The following DAXX variants were observed in gnomAD, a reference collection of about 807,000 sequenced individuals.
The protein encoded by DAXX is death domain associated protein.
In DAXX, 24 loss-of-function variants were observed where a neutral mutation model predicts 61.9. That is an observed-to-expected ratio of 0.39 (90% CI 0.28 to 0.55). The LOEUF (loss-of-function observed/expected upper bound fraction) is 0.55. DAXX is among the 20% of genes least tolerant of loss of function. The pLI is 0.69. For missense variants in DAXX, 819 were observed against 935.3 expected, an observed-to-expected ratio of 0.88 and a Z score of 1.62; for synonymous variants, 357 against 369.5, an observed-to-expected ratio of 0.97 and a Z score of 0.39.
chr6:33,320,153 C>T lies in DAXX; in HGVS notation c.1323G>A (p.Glu441=), dbSNP rs2150991196. The T allele has an allele frequency of 6.2e-7, 1 of 1,614,024 alleles. No individual in the cohort carries two copies. Among genetic ancestry groups the T allele is most frequent in the Non-Finnish European group, 8.5e-7 (1 of 1,179,924 alleles). Residue 441 remains glutamate, a synonymous_variant, in exon 5 of 8, where the codon GAG becomes GAA. Transcript: ENST00000374542. This position sits in a 1 kb window ranked among gnomAD's most constrained non-coding sequence, Gnocchi z 7.1. ...CCTCCTCCTCTTCCTCATCACTCTC[C>T]TCATCGTCTTCGTCATCTGTCTCAG... ...SRAETDDEDD[E]ESDEEEEEEE...
Position 33,319,636 on chromosome 6 carries a change from G to A in DAXX, c.1684C>T (p.Pro562Ser), listed in dbSNP as rs1256430781. The change falls in exon 6 of 8, where the codon CCT becomes TCT. Residue 562 changes from proline (P) to serine (S), a missense_variant. Transcript: ENST00000374542. ...TCTAGCTCAAAGAGCTGAGACACAG[G>A]GCTTTCTTCCTCCAGGGTCAGCTCC... ...PEELTLEEES[P>S]VSQLFELEIE... 6.2e-7 allele frequency: 1 copy of A among 1,613,910 alleles called. No individual in the cohort carries two copies. The highest frequency in any genetic ancestry group is 8.5e-7 in the Non-Finnish European group (1 of 1,179,850).
chr6:33,320,555 C>T lies in DAXX; in HGVS notation c.1076G>A (p.Arg359Gln), dbSNP rs772837276. 9 of 1,613,822 alleles carry T rather than the reference C, an allele frequency of 5.6e-6. No individual in the cohort carries two copies. The highest frequency in any genetic ancestry group is 2.2e-5 in the East Asian group (1 of 44,894). ...CAAACTCCGGTTTTCCCGAAGGCGCCGGGCCAACACAGGATCTGATAGTGC... is the reference window on the plus strand; with the variant it reads ...CAAACTCCGGTTTTCCCGAAGGCGCTGGGCCAACACAGGATCTGATAGTGC... The part of the protein sequence containing the change: ...DPALSDPVLA[R>Q]RLRENRSLAM... The change falls in exon 4 of 8, where the codon CGG becomes CAG. Residue 359 changes from arginine to glutamine, a missense_variant. By Grantham distance (43) the Arg-to-Gln change is conservative (BLOSUM62 1). Transcript: ENST00000374542. This position sits in a 1 kb window ranked among gnomAD's most constrained non-coding sequence, Gnocchi z 7.1.
chr6:33,319,962 G>A (rs759473289), intron 5 of DAXX, 49 bp downstream of exon 5: 2 of 1,611,812 alleles, frequency 1.2e-6, no homozygotes, highest in South Asian at 2.2e-5. Flanking sequence ...GGTGGCTCAT[G>A]CCTAACAAAA....
Position 33,321,290 on chromosome 6 carries a change from G to C in DAXX, c.485C>G (p.Thr162Arg). Reference protein sequence around the residue: ...SNEPSGNNPPTHLSLDPTNAE... With the variant: ...SNEPSGNNPPRHLSLDPTNAE... Reference sequence around the variant, plus strand: ...ATTTGTGGGGTCCAAGGAGAGGTGTGTGGGAGGGTTATTCCCAGAGGGCTC... The same window carrying C: ...ATTTGTGGGGTCCAAGGAGAGGTGTCTGGGAGGGTTATTCCCAGAGGGCTC... Residue 162 changes from threonine to arginine, a missense_variant, in exon 3 of 8, where the codon ACA becomes AGA. By Grantham distance (71) the Thr-to-Arg change is moderately conservative (BLOSUM62 -1). Transcript: ENST00000374542. The surrounding 1 kb of genome is among the most constrained non-coding windows in gnomAD (Gnocchi z 7.2). The C allele has an allele frequency of 6.2e-7, 1 of 1,612,848 alleles. No individual in the cohort carries two copies. The highest frequency in any genetic ancestry group is 8.5e-7 in the Non-Finnish European group (1 of 1,178,762).
rs554535480 is a variant in DAXX at position 33,322,159 on chromosome 6, G to C, written c.-52-182C>G. Among the ~76,000 whole-genome samples, 8 of 151,434 alleles carry C rather than the reference G, an allele frequency of 5.3e-5. No homozygotes were observed. In the South Asian group the frequency reaches 1.0e-3, roughly 20 times the overall value. On this transcript the variant is annotated intron_variant, in intron 1 of 7. Coordinates refer to ENST00000374542, the MANE Select transcript of DAXX (RefSeq NM_001141969.2). ...TTGGGGCCCTTCAAGTGGTGTGGGGGGGGGGCAAACCACCCCCACACCTTA... is the reference window on the plus strand; with the variant it reads ...TTGGGGCCCTTCAAGTGGTGTGGGGCGGGGGCAAACCACCCCCACACCTTA...
rs755318296 is a variant in DAXX at position 33,321,909 on chromosome 6, C to T, written c.17G>A (p.Ser6Asn). The change falls in exon 2 of 8, where the codon AGC becomes AAC. Residue 6 changes from serine to asparagine, a missense_variant. Coordinates refer to ENST00000374542, the MANE Select transcript of DAXX (RefSeq NM_001141969.2). The surrounding 1 kb of genome is among the most constrained non-coding windows in gnomAD (Gnocchi z 7.2). MATAN[S>N]IIVLDDDDED... ...GTCATCATCATCCAGCACGATGATG[C>T]TGTTAGCGGTGGCCATAGGGGATCA... The T allele has an allele frequency of 5.0e-6, 8 of 1,606,006 alleles. No individual in the cohort carries two copies. Among genetic ancestry groups the T allele is most frequent in the Non-Finnish European group, 6.8e-6 (8 of 1,174,412 alleles).
At position 33,320,674 on chromosome 6, in the gene DAXX, G is replaced by A. The variant is rs1316747814; in HGVS notation, c.1039+62C>T. ...AAACCCTAGAAAGGACTAGAGAGATGCCCCATCCGCCTCATACCTGACATA... is the reference window on the plus strand; with the variant it reads ...AAACCCTAGAAAGGACTAGAGAGATACCCCATCCGCCTCATACCTGACATA... On this transcript the variant is annotated intron_variant, in intron 3 of 7. Coordinates refer to ENST00000374542, the MANE Select transcript of DAXX (RefSeq NM_001141969.2). The surrounding 1 kb of genome is among the most constrained non-coding windows in gnomAD (Gnocchi z 7.1). The A allele has an allele frequency of 3.1e-6, 5 of 1,603,862 alleles. No individual in the cohort carries two copies. The highest frequency in any genetic ancestry group is 2.6e-6 in the Non-Finnish European group (3 of 1,173,758).
At position 33,320,710 on chromosome 6, in the gene DAXX, T is replaced by C. The variant is rs770616594; in HGVS notation, c.1039+26A>G. On this transcript the variant is annotated intron_variant, in intron 3 of 7. Coordinates refer to ENST00000374542, the MANE Select transcript of DAXX (RefSeq NM_001141969.2). This position sits in a 1 kb window ranked among gnomAD's most constrained non-coding sequence, Gnocchi z 7.1. ...CTCATACCTGACATATAAGGGTCAC[T>C]GAGAGGCATCCCACCAACCCCCTAC... 1 of 1,611,236 alleles carries C rather than the reference T, an allele frequency of 6.2e-7. No individual in the cohort carries two copies. The highest frequency in any genetic ancestry group is 8.5e-7 in the Non-Finnish European group (1 of 1,177,754).
chr6:33,321,109 G>C lies in DAXX; in HGVS notation c.666C>G (p.Tyr222Ter). 1 of 1,611,178 alleles carries C rather than the reference G, an allele frequency of 6.2e-7. No homozygotes were observed. The highest frequency in any genetic ancestry group is 8.5e-7 in the Non-Finnish European group (1 of 1,177,290). Reference sequence around the variant, plus strand: ...TACGCTTCAACCGTGCCTCCTGCAGGTATGCGGAGTCTGGGTCATCCAATT... The same window carrying C: ...TACGCTTCAACCGTGCCTCCTGCAGCTATGCGGAGTCTGGGTCATCCAATT... The part of the protein sequence containing the change: ...LSELDDPDSA[Y>*]LQEARLKRKL... The change falls in exon 3 of 8, where the codon TAC becomes TAG. Residue 222 changes from tyrosine (Y) to a stop codon, truncating the protein, a stop_gained. Coordinates refer to ENST00000374542, the MANE Select transcript of DAXX (RefSeq NM_001141969.2). LOFTEE classifies it high-confidence loss of function. The surrounding 1 kb of genome is among the most constrained non-coding windows in gnomAD (Gnocchi z 7.2).
At position 33,319,208 on chromosome 6, in the gene DAXX, C is replaced by T; in HGVS notation, c.1952G>A (p.Arg651Lys). ...SGPLGNSYVE[R>K]QRSVHEKNGK... is the part of the protein sequence containing the mutation. ...ATTCTTCTCATGCACTGACCTTTGC[C>T]TTTCCACATAGCTAGAAACAGAAAC... Residue 651 changes from arginine to lysine, a missense_variant, in exon 7 of 8, where the codon AGG becomes AAG. Physicochemically the swap from Arg to Lys is conservative, Grantham distance 26. Transcript: ENST00000374542. 1.9e-6 allele frequency: 3 copies of T among 1,599,898 alleles called. No homozygotes were observed. The highest frequency in any genetic ancestry group is 1.7e-5 in the Admixed American group (1 of 59,130).
intron 6 of DAXX, 34 bp from the exon 7 acceptor site, chr6:33,319,253 C>T (rs201997545): frequency 1.1e-5 from 17 of 1,572,798 alleles, no homozygotes; most frequent in South Asian, 3.6e-5. Flanking sequence ...TGGAGGGGTA[C>T]GGGAAGACTG....
At chr6:33,318,958 G>T (rs201496418) in intron 7 of DAXX, 39 bp downstream of exon 7, 1 of 1,560,954 alleles carries the variant, frequency 6.4e-7, no homozygotes, top group Non-Finnish European at 8.8e-7. Flanking sequence ...CAATGAAAGA[G>T]AACAAATTGT....
chr6:33,319,896 G>A (rs1163644392), intron 5 of DAXX, 42 bp from the exon 6 acceptor site: 1 of 1,593,982 alleles, frequency 6.3e-7, no homozygotes, highest in Non-Finnish European at 8.5e-7. Context: ...TGAGAATGAG[G>A]GGGAAAAAAT....
At chr6:33,318,851 G>C (rs769464433) in intron 7 of DAXX, 49 bp from the exon 8 acceptor site, 4 of 1,295,896 alleles carry the variant, frequency 3.1e-6, no homozygotes, top group Non-Finnish European at 4.4e-6. Flanking sequence ...GAGTACAGGA[G>C]AAAAGAAACA....
intron 1 of DAXX, 35 bp from the exon 2 acceptor site, chr6:33,322,012 C>G: frequency 3.4e-6 from 5 of 1,460,838 alleles, no homozygotes; most frequent in Non-Finnish European, 4.6e-6. Context: ...TGAGCCCCTC[C>G]AGCATAGCCC....
At chr6:33,322,024 A>G in intron 1 of DAXX, 47 bp from the exon 2 acceptor site, 2 of 1,392,628 alleles carry the variant, frequency 1.4e-6, no homozygotes. Flanking sequence ...GCATAGCCCC[A>G]TCCCTTCACC....
chr6:33,321,917 G>A lies in DAXX; in HGVS notation c.9C>T (p.Thr3=), dbSNP rs779312663. 1.2e-6 allele frequency: 2 copies of A among 1,605,384 alleles called. No individual in the cohort carries two copies. The highest frequency in any genetic ancestry group is 1.9e-4 in the Middle Eastern group (1 of 5,214). MA[T]ANSIIVLDDD... ...CATCCAGCACGATGATGCTGTTAGCGGTGGCCATAGGGGATCAAATCCCCC... is the reference window on the plus strand; with the variant it reads ...CATCCAGCACGATGATGCTGTTAGCAGTGGCCATAGGGGATCAAATCCCCC... Residue 3 remains threonine (T), a synonymous_variant, in exon 2 of 8, where the codon ACC becomes ACT. Transcript: ENST00000374542. This position sits in a 1 kb window ranked among gnomAD's most constrained non-coding sequence, Gnocchi z 7.2.
At position 33,319,574 on chromosome 6, in the gene DAXX, C is replaced by T. The variant is rs552518245; in HGVS notation, c.1746G>A (p.Val582=). The T allele has an allele frequency of 2.1e-4, 346 of 1,614,170 alleles. 2 individuals are homozygous for T. In the South Asian group the frequency reaches 3.4e-3, roughly 16 times the overall value. The change falls in exon 6 of 8, where the codon GTG becomes GTA. Residue 582 remains valine, a synonymous_variant. Coordinates refer to ENST00000374542, the MANE Select transcript of DAXX (RefSeq NM_001141969.2). ...EALPLDTPSS[V]ETDISSSRKQ... ...TCCTGGAAGAGGAAATGTCCGTCTCCACAGAGGAAGGGGTATCCAGGGGCA... is the reference window on the plus strand; with the variant it reads ...TCCTGGAAGAGGAAATGTCCGTCTCTACAGAGGAAGGGGTATCCAGGGGCA...
rs984036888 is a variant in DAXX at position 33,320,576 on chromosome 6, A to G, written c.1055T>C (p.Leu352Pro). The change falls in exon 4 of 8, where the codon CTA becomes CCA. Residue 352 changes from leucine (L) to proline (P), a missense_variant. Leu to Pro is a moderately conservative substitution (Grantham distance 98, BLOSUM62 -3). Transcript: ENST00000374542. The surrounding 1 kb of genome is among the most constrained non-coding windows in gnomAD (Gnocchi z 7.1). Reference protein sequence around the residue: ...DDYRPGVDPALSDPVLARRLR... With the variant: ...DDYRPGVDPAPSDPVLARRLR... The stretch of plus-strand genomic sequence containing the variant: ...GCGCCGGGCCAACACAGGATCTGAT[A>G]GTGCAGGGTCAACGCCTACGTGGGA... 1 of 1,613,840 alleles carries G rather than the reference A, an allele frequency of 6.2e-7. No individual in the cohort carries two copies. Among genetic ancestry groups the G allele is most frequent in the Non-Finnish European group, 8.5e-7 (1 of 1,179,966 alleles).
Sources: gnomAD v4.1 joint callset for allele counts (sites outside exome capture counted in the v4.1 genomes callset) on GRCh38, gnomAD v4.1.1 for gene constraint, Gnocchi (gnomAD v3.1) non-coding constraint, MANE v1.5 for transcripts, NCBI Gene and HGNC (gene_info 2026-07-23, HGNC 2026-07-21) for gene names.